SLC35F1: variants seen among roughly 807,000 people sequenced by gnomAD.
SLC35F1 encodes chromosome 6 open reading frame 169.
A neutral mutation model predicts 48.7 loss-of-function variants in SLC35F1; 14 were observed. That is an observed-to-expected ratio of 0.29 (90% CI 0.19 to 0.45). The LOEUF is 0.45. Ranked by LOEUF, SLC35F1 falls within the 20% of genes least tolerant of loss-of-function variation. The pLI, the probability that SLC35F1 is intolerant of heterozygous loss-of-function variation, is 1.00. For missense variants in SLC35F1, 404 were observed against 500.0 expected, an observed-to-expected ratio of 0.81 and a Z score of 1.83; for synonymous variants, 190 against 202.2, an observed-to-expected ratio of 0.94 and a Z score of 0.51.
intron 1 of SLC35F1, among the ~76,000 whole-genome samples, chr6:118,079,334 T>G (rs777581918): frequency 6.6e-6 from 1 of 152,214 alleles, no homozygotes; most frequent in African/African-American, 2.4e-5. Flanking sequence ...CTCATCTGTA[T>G]AGCATGTATC....
intron 1 of SLC35F1, among the ~76,000 whole-genome samples, chr6:117,983,418 T>C (rs945373612): frequency 1.3e-5 from 2 of 151,942 alleles, no homozygotes; most frequent in South Asian, 2.1e-4. Context: ...CTACTAAAAA[T>C]ACAAAAAAAT....
intron 3 of SLC35F1, among the ~76,000 whole-genome samples, chr6:118,257,935 A>G (rs766298986): frequency 1.2e-4 from 19 of 152,186 alleles, no homozygotes; most frequent in Non-Finnish European, 2.6e-4. Flanking sequence ...TGTCATTTTC[A>G]TCCATGTTGC....
chr6:118,114,593 G>A (rs764732896), intron 1 of SLC35F1, among the ~76,000 whole-genome samples: 25 of 152,030 alleles, frequency 1.6e-4, no homozygotes, highest in Admixed American at 3.9e-4. Flanking sequence ...AGCCAGGATG[G>A]TCTTGATCTC....
In SLC35F1 at chr6:117,923,776, TATATATACATATATGTAC is replaced by T. The variant is rs201726628; in HGVS notation, c.173+15891_173+15908del. Among the ~76,000 whole-genome samples the T allele has an allele frequency of 1.6e-4, 12 of 74,322 alleles. No homozygotes were observed. The East Asian group carries it at 1.6e-3, about 10-fold the overall frequency. 48.8% of individuals were successfully genotyped at this position (74,322 alleles called of 152,430 possible). ...ATATATACATATGCACATACATATG[TATATATACATATATGTAC>T]ATATATACATATACACATACATATG... On this transcript the variant is annotated intron_variant, in intron 1 of 7. Transcript: ENST00000360388.
At chr6:117,999,275 C>T (rs963278650) in intron 1 of SLC35F1, 2 of 1,596,096 alleles carry the variant, frequency 1.3e-6, no homozygotes, top group Non-Finnish European at 1.7e-6. Context: ...CTACGTTGCC[C>T]ACCCCAAGCT....
At chr6:118,015,655 G>A (rs961993254) in intron 1 of SLC35F1, among the ~76,000 whole-genome samples, 1 of 152,050 alleles carries the variant, frequency 6.6e-6, no homozygotes, top group African/African-American at 2.4e-5. Flanking sequence ...CACCCATTCT[G>A]AAAACAGCTG....
intron 3 of SLC35F1, among the ~76,000 whole-genome samples, chr6:118,264,963 G>A (rs532308721): frequency 5.3e-5 from 8 of 152,326 alleles, no homozygotes; most frequent in South Asian, 2.1e-4. Context: ...CCTCCTTCCT[G>A]TAGCCCCTCC....
chr6:118,007,969 G>A (rs1355180503), intron 1 of SLC35F1, among the ~76,000 whole-genome samples: 2 of 152,198 alleles, frequency 1.3e-5, no homozygotes, highest in Middle Eastern at 3.4e-3. Flanking sequence ...CTAGCTGTTG[G>A]CGGGGGGCTA....
At chr6:118,045,783 G>A (rs1382384756) in intron 1 of SLC35F1, among the ~76,000 whole-genome samples, 1 of 152,154 alleles carries the variant, frequency 6.6e-6, no homozygotes, top group Admixed American at 6.6e-5. Context: ...GTCTTATTGC[G>A]GGGATGGGAG....
intron 3 of SLC35F1, among the ~76,000 whole-genome samples, chr6:118,260,883 C>T (rs550650463): frequency 5.0e-4 from 76 of 152,260 alleles, no homozygotes; most frequent in Non-Finnish European, 7.8e-4. Context: ...TGTGTATCTA[C>T]GCCTTTGTCT....
intron 1 of SLC35F1, among the ~76,000 whole-genome samples, chr6:118,033,712 A>G (rs1772086083): frequency 6.6e-6 from 1 of 151,838 alleles, no homozygotes; most frequent in Non-Finnish European, 1.5e-5. Flanking sequence ...CTTGGTATGG[A>G]GTGCATATTC....
chr6:118,151,111 T>C (rs1263187953), intron 1 of SLC35F1, among the ~76,000 whole-genome samples: 1 of 152,132 alleles, frequency 6.6e-6, no homozygotes, highest in Non-Finnish European at 1.5e-5. Context: ...TCCTTTTGGT[T>C]TCCTTAACAC....
chr6:117,994,601 A>G (rs1016689930), intron 1 of SLC35F1, among the ~76,000 whole-genome samples: 11 of 152,312 alleles, frequency 7.2e-5, no homozygotes, highest in African/African-American at 2.6e-4. Flanking sequence ...TAAATCCCAG[A>G]GGGCAAGGTA....
At chr6:118,257,798 G>C (rs1460286936) in intron 3 of SLC35F1, among the ~76,000 whole-genome samples, 1 of 152,162 alleles carries the variant, frequency 6.6e-6, no homozygotes, top group South Asian at 2.1e-4. Flanking sequence ...ATAAGTTGAA[G>C]ATAAAGAACA....
chr6:118,188,433 C>T (rs1774689641), intron 2 of SLC35F1, among the ~76,000 whole-genome samples: 1 of 151,972 alleles, frequency 6.6e-6, no homozygotes, highest in Non-Finnish European at 1.5e-5. Flanking sequence ...ACCTGTAATC[C>T]CAGCTACTCG....
chr6:117,938,349 C>A (rs1776185929), intron 1 of SLC35F1, among the ~76,000 whole-genome samples: 1 of 152,240 alleles, frequency 6.6e-6, no homozygotes, highest in African/African-American at 2.4e-5. Flanking sequence ...TACTGCCATA[C>A]TGGATCATAT....
At chr6:118,109,519 C>A (rs1022724603) in intron 1 of SLC35F1, among the ~76,000 whole-genome samples, 1 of 152,150 alleles carries the variant, frequency 6.6e-6, no homozygotes, top group Non-Finnish European at 1.5e-5. Flanking sequence ...TAGGCAAGCT[C>A]AAATTCAGCT....
At chr6:118,176,816 G>A (rs1046215542) in intron 2 of SLC35F1, among the ~76,000 whole-genome samples, 17 of 151,922 alleles carry the variant, frequency 1.1e-4, no homozygotes, top group Non-Finnish European at 2.2e-4. Flanking sequence ...CCCTTGGGAT[G>A]CTTCCTCCTT....
chr6:118,187,579 G>C (rs1774677964), intron 2 of SLC35F1, among the ~76,000 whole-genome samples: 1 of 152,124 alleles, frequency 6.6e-6, no homozygotes, highest in Non-Finnish European at 1.5e-5. Context: ...TCCAGCGCGT[G>C]GGTGGCTGGA....
Sources: allele counts gnomAD v4.1 joint callset (sites outside exome capture counted in the v4.1 genomes callset), GRCh38; gene constraint gnomAD v4.1.1; transcripts MANE v1.5; gene names NCBI Gene and HGNC (gene_info 2026-07-23, HGNC 2026-07-21).